The following SLC9A9 variants were observed in gnomAD, a reference collection of about 807,000 sequenced individuals.
SLC9A9 encodes solute carrier family 9 member A9.
In SLC9A9, 62 loss-of-function variants were observed where a neutral mutation model predicts 77.8. The observed-to-expected ratio is 0.80, with a 90% CI of 0.65 to 0.98. SLC9A9 has a LOEUF of 0.98. Among genes scored for constraint, SLC9A9 ranks in the 50% least tolerant of loss-of-function variants. The pLI, the probability that SLC9A9 is intolerant of heterozygous loss-of-function variation, is 0.00. For synonymous variants in SLC9A9, 320 were observed against 283.5 expected (o/e 1.13, Z -1.29); for missense variants, 775 against 774.9 (o/e 1.00, Z 0.00).
rs1017922742 is a variant in SLC9A9 at position 143,846,657 on chromosome 3, C to A, written c.175+1491G>T. 1.9e-4 allele frequency among the ~76,000 whole-genome samples: 29 copies of A among 151,892 alleles called. No individual in the cohort carries two copies. The East Asian group carries it at 5.4e-3, about 28-fold the overall frequency. On this transcript the variant is annotated intron_variant, in intron 1 of 15. Coordinates refer to ENST00000316549, the MANE Select transcript of SLC9A9 (RefSeq NM_173653.4). ...TCTCTTTAGGCCAGGAGTTGGAGAC[C>A]AGCCTGGGCAACATAGTGAGACCCT...
intron 14 of SLC9A9, among the ~76,000 whole-genome samples, chr3:143,362,146 T>C (rs1050012807): frequency 6.6e-6 from 1 of 152,204 alleles, no homozygotes; most frequent in Non-Finnish European, 1.5e-5. Flanking sequence ...AGTCTTCATG[T>C]AGTTACTGAG....
At chr3:143,758,231 T>C (rs2006993219) in intron 4 of SLC9A9, among the ~76,000 whole-genome samples, 1 of 152,226 alleles carries the variant, frequency 6.6e-6, no homozygotes, top group Non-Finnish European at 1.5e-5. Flanking sequence ...CTCCCTTAAA[T>C]GAAAATCTTA....
intron 4 of SLC9A9, among the ~76,000 whole-genome samples, chr3:143,754,524 T>C (rs2006859382): frequency 6.6e-6 from 1 of 152,196 alleles, no homozygotes; most frequent in Non-Finnish European, 1.5e-5. Flanking sequence ...GGGAATGTGT[T>C]AAACCTGCCA....
chr3:143,594,370 T>C (rs2037715104), intron 6 of SLC9A9, among the ~76,000 whole-genome samples: 1 of 152,230 alleles, frequency 6.6e-6, no homozygotes, highest in South Asian at 2.1e-4. Flanking sequence ...TGAGGGCCTC[T>C]TGCAAGCCAG....
chr3:143,635,705 C>A (rs1248688732), intron 6 of SLC9A9, among the ~76,000 whole-genome samples: 6 of 152,292 alleles, frequency 3.9e-5, no homozygotes, highest in African/African-American at 1.4e-4. Context: ...TTTCCCCTGA[C>A]CCATCTACCT....
At chr3:143,449,669 T>TA (rs1285372645) in intron 12 of SLC9A9, among the ~76,000 whole-genome samples, 1,157 of 18,890 alleles carry the variant, frequency 0.061, 251 homozygotes, top group East Asian at 0.44. Flanking sequence ...AATATAATTA[T>TA]ATTATATAAT....
intron 12 of SLC9A9, among the ~76,000 whole-genome samples, chr3:143,462,492 A>T (rs901855779): frequency 1.9e-4 from 29 of 152,148 alleles, no homozygotes; most frequent in African/African-American, 7.0e-4. Flanking sequence ...TGACGGCAGG[A>T]TAGTTTGGGA....
At chr3:143,586,350 G>C (rs563297204) in intron 6 of SLC9A9, among the ~76,000 whole-genome samples, 4 of 151,888 alleles carry the variant, frequency 2.6e-5, no homozygotes, top group Non-Finnish European at 4.4e-5. Context: ...CATTTATGTG[G>C]GAGTGCTTCT....
intron 8 of SLC9A9, among the ~76,000 whole-genome samples, chr3:143,553,070 G>T (rs1379628380): frequency 1.3e-5 from 2 of 152,124 alleles, no homozygotes; most frequent in Non-Finnish European, 2.9e-5. Context: ...CACACCCAAG[G>T]CATTCACTCC....
intron 9 of SLC9A9, among the ~76,000 whole-genome samples, chr3:143,509,431 G>T (rs917108417): frequency 3.3e-5 from 5 of 152,200 alleles, no homozygotes; most frequent in African/African-American, 1.2e-4. Context: ...AGTTTTTTGA[G>T]CTTTCTTTTG....
chr3:143,392,623 G>C (rs2033601012), intron 12 of SLC9A9, among the ~76,000 whole-genome samples: 1 of 152,120 alleles, frequency 6.6e-6, no homozygotes, highest in South Asian at 2.1e-4. Context: ...ATGTAAATGG[G>C]CTAAATGCTC....
intron 4 of SLC9A9, among the ~76,000 whole-genome samples, chr3:143,777,722 T>TG (rs1382070806): frequency 6.6e-6 from 1 of 151,120 alleles, no homozygotes; most frequent in Non-Finnish European, 1.5e-5. Context: ...GATACTTTTT[T>TG]TTTTTTTTTT....
chr3:143,738,146 G>A (rs565688995), intron 4 of SLC9A9, among the ~76,000 whole-genome samples: 1 of 152,272 alleles, frequency 6.6e-6, no homozygotes, highest in East Asian at 1.9e-4. Context: ...TCTATTGCTA[G>A]ACTTGGGAGA....
intron 2 of SLC9A9, chr3:143,811,752 C>T (rs1186257219): frequency 2.2e-6 from 1 of 453,966 alleles, no homozygotes; most frequent in Non-Finnish European, 4.4e-6. Flanking sequence ...ATCCCAGCTA[C>T]TCTGGAGTCT....
At chr3:143,395,749 C>T in intron 12 of SLC9A9, among the ~76,000 whole-genome samples, 1 of 152,022 alleles carries the variant, frequency 6.6e-6, no homozygotes, top group Non-Finnish European at 1.5e-5. Flanking sequence ...AACAAATTTA[C>T]AAGAAAAAAA....
intron 14 of SLC9A9, among the ~76,000 whole-genome samples, chr3:143,333,844 A>T (rs1352557076): frequency 6.6e-6 from 1 of 152,194 alleles, no homozygotes; most frequent in Non-Finnish European, 1.5e-5. Context: ...TTATCATTGG[A>T]AGGAGACCCT....
intron 4 of SLC9A9, among the ~76,000 whole-genome samples, chr3:143,732,603 C>A (rs1272591358): frequency 2.6e-5 from 4 of 152,208 alleles, no homozygotes; most frequent in African/African-American, 4.8e-5. Context: ...ACCACTCTGA[C>A]TTTAACGTCT....
chr3:143,409,687 A>G (rs1475719092), intron 12 of SLC9A9, among the ~76,000 whole-genome samples: 1 of 152,210 alleles, frequency 6.6e-6, no homozygotes, highest in Non-Finnish European at 1.5e-5. Context: ...CTGTTTTCCA[A>G]GTGAATATTA....
At chr3:143,488,344 A>G (rs1376359742) in intron 11 of SLC9A9, among the ~76,000 whole-genome samples, 5 of 151,896 alleles carry the variant, frequency 3.3e-5, no homozygotes, top group Middle Eastern at 3.2e-3. Flanking sequence ...ACTAATACCA[A>G]CCCTTCACAA....
Sources: gnomAD v4.1 joint callset for allele counts (sites outside exome capture counted in the v4.1 genomes callset) on GRCh38, gnomAD v4.1.1 for gene constraint, MANE v1.5 for transcripts, NCBI Gene and HGNC (gene_info 2026-07-23, HGNC 2026-07-21) for gene names.